Variants in TULP3 observed in about 807,000 individuals in gnomAD.
The protein encoded by TULP3 is TUB like protein 3.
In TULP3, 38 loss-of-function variants were observed where a neutral mutation model predicts 50.7. That is an observed-to-expected ratio of 0.75 (90% CI 0.58 to 0.98). The LOEUF (loss-of-function observed/expected upper bound fraction) is 0.98. Ranked by LOEUF, TULP3 falls within the 50% of genes least tolerant of loss-of-function variation. TULP3 has a pLI of 0.00. For synonymous variants in TULP3, 183 were observed against 196.6 expected, an observed-to-expected ratio of 0.93 and a Z score of 0.58; for missense variants, 550 against 568.0, an observed-to-expected ratio of 0.97 and a Z score of 0.32.
At chr12:2,902,348 C>T (rs1006913671) in intron 1 of TULP3, among the ~76,000 whole-genome samples, 6 of 152,188 alleles carry the variant, frequency 3.9e-5, no homozygotes, top group Non-Finnish European at 5.9e-5. Flanking sequence ...GGAAAAGCAA[C>T]GGGCTGCTCA....
chr12:2,929,640 T>C (rs150562396), intron 4 of TULP3, among the ~76,000 whole-genome samples: 1,769 of 151,878 alleles, frequency 0.012, 38 homozygotes, highest in African/African-American at 0.04. Flanking sequence ...TCCCAGGCTA[T>C]AGTACAGTGG....
At chr12:2,906,130 A>C (rs1402809341) in intron 1 of TULP3, among the ~76,000 whole-genome samples, 1 of 149,414 alleles carries the variant, frequency 6.7e-6, no homozygotes, top group Non-Finnish European at 1.5e-5. Flanking sequence ...TCCCAGGTTC[A>C]CACGATTCTC....
At position 2,939,509 on chromosome 12, in the gene TULP3, T is replaced by G. The variant is rs535979871; in HGVS notation, c.*65T>G. On this transcript the variant is annotated 3_prime_UTR_variant, in exon 11 of 11. Transcript: ENST00000448120. This position sits in a 1 kb window ranked among gnomAD's most constrained non-coding sequence, Gnocchi z 4.0. Reference sequence around the variant, plus strand: ...TTCAGGAGCAGACAGTGGCCTCCCCTTCCCCTCCCTGCCCCAGGACTTAAA... The same window carrying G: ...TTCAGGAGCAGACAGTGGCCTCCCCGTCCCCTCCCTGCCCCAGGACTTAAA... 6.3e-7 allele frequency: 1 copy of G among 1,593,904 alleles called. No individual in the cohort carries two copies. Among genetic ancestry groups the G allele is most frequent in the African/African-American group, 1.3e-5 (1 of 74,440 alleles).
At chr12:2,911,399 C>T (rs936279125) in intron 2 of TULP3, among the ~76,000 whole-genome samples, 11 of 151,768 alleles carry the variant, frequency 7.2e-5, no homozygotes, top group Non-Finnish European at 1.0e-4. Flanking sequence ...GTCGCCCAGA[C>T]TGGAGTGCAG....
At chr12:2,922,015 C>T (rs764614669) in intron 3 of TULP3, among the ~76,000 whole-genome samples, 7 of 152,094 alleles carry the variant, frequency 4.6e-5, no homozygotes, top group African/African-American at 7.2e-5. Flanking sequence ...CCTAGGAAGT[C>T]GAGGCTACAG....
chr12:2,935,770 A>G (rs1196356803), intron 8 of TULP3, among the ~76,000 whole-genome samples: 2 of 150,138 alleles, frequency 1.3e-5, no homozygotes, highest in African/African-American at 4.9e-5. Flanking sequence ...CCCAGGAGAG[A>G]CCAGCCTAGG....
intron 1 of TULP3, among the ~76,000 whole-genome samples, chr12:2,895,431 A>G (rs1233715567): frequency 1.3e-5 from 2 of 152,226 alleles, no homozygotes; most frequent in Non-Finnish European, 2.9e-5. Flanking sequence ...ATAGATGTCA[A>G]AGGAATTCTT....
intron 1 of TULP3, among the ~76,000 whole-genome samples, chr12:2,893,325 G>GTGTTT (rs1309818381): frequency 1.1e-5 from 1 of 90,772 alleles, no homozygotes; most frequent in African/African-American, 5.0e-5. Context: ...TGTGTTTAAT[G>GTGTTT]TGTTTTTTTT....
At chr12:2,928,518 G>A (rs951429801) in intron 4 of TULP3, among the ~76,000 whole-genome samples, 36 of 151,268 alleles carry the variant, frequency 2.4e-4, no homozygotes, top group African/African-American at 8.2e-4. Context: ...CAACGAGAGC[G>A]AAACTCCATC....
At chr12:2,926,242 G>A (rs1432797343) in intron 4 of TULP3, among the ~76,000 whole-genome samples, 4 of 152,300 alleles carry the variant, frequency 2.6e-5, no homozygotes, top group South Asian at 2.1e-4. Flanking sequence ...GCTCATGCCT[G>A]TAATCCCAGC....
chr12:2,892,655 G>A lies in TULP3; in HGVS notation c.41+1667G>A, dbSNP rs548886165. The stretch of plus-strand genomic sequence containing the variant: ...GCCTCCTGAGTAGCTGGGACTATAG[G>A]CACGCGCCACCACGCCCAGCTAATT... On this transcript the variant is annotated intron_variant, in intron 1 of 10. Coordinates refer to ENST00000448120, the MANE Select transcript of TULP3 (RefSeq NM_003324.5). Among the ~76,000 whole-genome samples, 7 of 152,046 alleles carry A rather than the reference G, an allele frequency of 4.6e-5. No individual in the cohort carries two copies. The South Asian group carries it at 6.2e-4, about 14-fold the overall frequency.
chr12:2,931,757 T>C (rs1233987707), intron 6 of TULP3, among the ~76,000 whole-genome samples: 1 of 152,172 alleles, frequency 6.6e-6, no homozygotes, highest in Non-Finnish European at 1.5e-5. Context: ...ACAGATGATT[T>C]TAAGAGCCTA....
intron 9 of TULP3, 51 bp from the exon 10 acceptor site, chr12:2,938,063 C>T (rs577429106): frequency 1.9e-6 from 3 of 1,589,830 alleles, no homozygotes; most frequent in Admixed American, 1.7e-5. Flanking sequence ...TACCTTCTAC[C>T]TCGTAGAGTT....
intron 4 of TULP3, among the ~76,000 whole-genome samples, chr12:2,928,690 C>T (rs892605840): frequency 6.6e-6 from 1 of 152,046 alleles, no homozygotes; most frequent in Non-Finnish European, 1.5e-5. Flanking sequence ...CACCTGTAAT[C>T]CCAGCACTTT....
At chr12:2,896,530 G>A (rs986210162) in intron 1 of TULP3, among the ~76,000 whole-genome samples, 1 of 152,130 alleles carries the variant, frequency 6.6e-6, no homozygotes. Flanking sequence ...GGGCTCTTTC[G>A]CTGATCAGCT....
At chr12:2,937,268 G>C (rs1591539695) in intron 8 of TULP3, among the ~76,000 whole-genome samples, 1 of 128,120 alleles carries the variant, frequency 7.8e-6, no homozygotes, top group South Asian at 2.8e-4. Flanking sequence ...CCAGGCTGGA[G>C]TGCAACGGCG....
intron 1 of TULP3, among the ~76,000 whole-genome samples, chr12:2,906,020 T>TAA (rs34833376): frequency 2.4e-4 from 33 of 136,174 alleles, no homozygotes; most frequent in East Asian, 6.7e-4. Flanking sequence ...AGACCCTGTG[T>TAA]AAAAAAAAAA....
intron 5 of TULP3, 152 bp from the exon 6 acceptor site, chr12:2,930,885 A>G (rs745496647): frequency 2.5e-6 from 2 of 803,214 alleles, no homozygotes; most frequent in African/African-American, 1.7e-5. Flanking sequence ...CAATATTCAT[A>G]TACTTAATTT....
Position 2,922,406 on chromosome 12 carries a change from A to C in TULP3, c.394+4A>C. Reference sequence around the variant, plus strand: ...CAGGAGCGTCTCCAAAAGCATGGTGAGGACTGGTAATGATTTTAAGGCAAT... The same window carrying C: ...CAGGAGCGTCTCCAAAAGCATGGTGCGGACTGGTAATGATTTTAAGGCAAT... On this transcript the variant is annotated splice_donor_region_variant and intron_variant, in intron 4 of 10. Coordinates refer to ENST00000448120, the MANE Select transcript of TULP3 (RefSeq NM_003324.5). 2 of 1,602,354 alleles carry C rather than the reference A, an allele frequency of 1.2e-6. No homozygotes were observed. Among genetic ancestry groups the C allele is most frequent in the East Asian group, 4.5e-5 (2 of 44,838 alleles).
Sources: allele counts gnomAD v4.1 joint callset (sites outside exome capture counted in the v4.1 genomes callset), GRCh38; gene constraint gnomAD v4.1.1; non-coding constraint Gnocchi (gnomAD v3.1); transcripts MANE v1.5; gene names NCBI Gene and HGNC (gene_info 2026-07-23, HGNC 2026-07-21).